The following RYK variants were observed in gnomAD, a reference collection of about 807,000 sequenced individuals.
RYK encodes the protein receptor like tyrosine kinase, also known as inactive tyrosine-protein kinase RYK.
RYK carries 21 observed loss-of-function variants against 70.2 expected under a neutral mutation model. The ratio of observed to expected loss-of-function variants is 0.30; its 90% CI spans 0.21 to 0.43. The LOEUF is 0.43. Ranked by LOEUF, RYK falls within the 20% of genes least tolerant of loss-of-function variation. RYK has a pLI of 1.00. For missense variants in RYK, 604 were observed against 753.3 expected, an observed-to-expected ratio of 0.80 and a Z score of 2.32; for synonymous variants, 267 against 278.0, an observed-to-expected ratio of 0.96 and a Z score of 0.39.
intron 1 of RYK, among the ~76,000 whole-genome samples, chr3:134,247,931 T>A (rs2015507318): frequency 6.6e-6 from 1 of 152,188 alleles, no homozygotes; most frequent in Non-Finnish European, 1.5e-5. Flanking sequence ...GTAGTGATTC[T>A]AAAATACGGT....
chr3:134,231,426 C>T (rs2015055712), intron 1 of RYK, among the ~76,000 whole-genome samples: 1 of 152,166 alleles, frequency 6.6e-6, no homozygotes, highest in Non-Finnish European at 1.5e-5. Flanking sequence ...AGAAACCATG[C>T]CTCCTAAGTA....
intron 1 of RYK, among the ~76,000 whole-genome samples, chr3:134,250,007 A>C (rs946217846): frequency 1.4e-5 from 2 of 144,392 alleles, no homozygotes; most frequent in African/African-American, 5.2e-5. Flanking sequence ...AAGGGTTTGC[A>C]AGTTCAGTCT....
chr3:134,186,932 T>C (rs1383408203), intron 9 of RYK, among the ~76,000 whole-genome samples: 1 of 152,174 alleles, frequency 6.6e-6, no homozygotes, highest in African/African-American at 2.4e-5. Context: ...TGTTGTTTAA[T>C]AACCTTATAG....
intron 1 of RYK, among the ~76,000 whole-genome samples, chr3:134,234,706 C>G: frequency 6.6e-6 from 1 of 152,040 alleles, no homozygotes; most frequent in Non-Finnish European, 1.5e-5. Flanking sequence ...AAAAGTTTCT[C>G]TAAAACATAC....
At chr3:134,197,072 G>T (rs1333483098) in intron 6 of RYK, among the ~76,000 whole-genome samples, 2 of 152,120 alleles carry the variant, frequency 1.3e-5, no homozygotes, top group East Asian at 3.9e-4. Flanking sequence ...TGCAATTACT[G>T]CACCAACCTG....
chr3:134,190,093 G>A (rs541484874), intron 8 of RYK, among the ~76,000 whole-genome samples: 13 of 152,272 alleles, frequency 8.5e-5, no homozygotes, highest in African/African-American at 2.9e-4. Flanking sequence ...TTTCACTGTG[G>A]CCTAGAGACA....
At chr3:134,250,337 C>A in intron 1 of RYK, 86 bp downstream of exon 1, 2 of 786,046 alleles carry the variant, frequency 2.5e-6, no homozygotes, top group South Asian at 3.6e-5. Context: ...GCCCGAGGTC[C>A]ACGGCTCGCA....
At chr3:134,210,984 A>C (rs984520200) in intron 3 of RYK, among the ~76,000 whole-genome samples, 1 of 152,238 alleles carries the variant, frequency 6.6e-6, no homozygotes, top group African/African-American at 2.4e-5. Flanking sequence ...AGACCAGCAC[A>C]TGCAAAGGCT....
intron 8 of RYK, 32 bp from the exon 9 acceptor site, chr3:134,188,955 T>C (rs750164294): frequency 6.4e-5 from 78 of 1,212,872 alleles, no homozygotes; most frequent in Non-Finnish European, 7.8e-5. Context: ...AATGAGATCA[T>C]ACAACATTCA....
intron 5 of RYK, among the ~76,000 whole-genome samples, chr3:134,204,967 G>A (rs1418610564): frequency 6.6e-6 from 1 of 152,214 alleles, no homozygotes; most frequent in East Asian, 1.9e-4. Context: ...GACAGCACTG[G>A]CTTGGACAAG....
rs767999593 is a variant in RYK at position 134,202,680 on chromosome 3, A to G, written c.788+50T>C. ...TCGATGTGTATGGGCTCCCACATATATACAAATAACTGCTTTCATTTTTTT... is the reference window on the plus strand; with the variant it reads ...TCGATGTGTATGGGCTCCCACATATGTACAAATAACTGCTTTCATTTTTTT... On this transcript the variant is annotated intron_variant, in intron 6 of 14. Coordinates refer to ENST00000623711, the MANE Select transcript of RYK (RefSeq NM_002958.4). 11 of 1,566,330 alleles carry G rather than the reference A, an allele frequency of 7.0e-6. No individual in the cohort carries two copies. The Admixed American group carries it at 1.9e-4, about 27-fold the overall frequency.
At chr3:134,241,725 AG>A (rs1184410921) in intron 1 of RYK, among the ~76,000 whole-genome samples, 1 of 152,248 alleles carries the variant, frequency 6.6e-6, no homozygotes, top group Non-Finnish European at 1.5e-5. Flanking sequence ...AAGGCAGCAC[AG>A]TAGAGAAAGC....
At position 134,230,732 on chromosome 3, in the gene RYK, C is replaced by CTA. The variant is rs1377127993; in HGVS notation, c.233-8195_233-8194dup. ...GAATTTCTGGGGTGATGGAAATGTC[C>CTA]TATATCTTGGTTGGAGTGGTGGTTA... On this transcript the variant is annotated intron_variant, in intron 1 of 14. Coordinates refer to ENST00000623711, the MANE Select transcript of RYK (RefSeq NM_002958.4). Among the ~76,000 whole-genome samples, 6 of 152,120 alleles carry CTA rather than the reference C, an allele frequency of 3.9e-5. No homozygotes were observed. In the East Asian group the frequency reaches 1.2e-3, roughly 29 times the overall value.
At chr3:134,188,722 CACTG>C (rs1560008898) in intron 9 of RYK, 111 bp downstream of exon 9, 16 of 641,582 alleles carry the variant, frequency 2.5e-5, no homozygotes, top group South Asian at 8.0e-5. Context: ...GCTAAATTAA[CACTG>C]ACTGATTTAA....
chr3:134,202,565 C>A, intron 6 of RYK, 165 bp downstream of exon 6: 1 of 538,654 alleles, frequency 1.9e-6, no homozygotes, highest in Non-Finnish European at 3.2e-6. Flanking sequence ...AAAATAAAAT[C>A]AGAGAAACCA....
chr3:134,205,863 C>T (rs1193077420), intron 5 of RYK, among the ~76,000 whole-genome samples: 1 of 152,174 alleles, frequency 6.6e-6, no homozygotes, highest in Non-Finnish European at 1.5e-5. Context: ...TCTTTGCTCA[C>T]AGTTTAGTCC....
intron 13 of RYK, among the ~76,000 whole-genome samples, chr3:134,174,484 A>T (rs552553253): frequency 1.7e-3 from 261 of 152,338 alleles, no homozygotes; most frequent in Non-Finnish European, 8.2e-4. Flanking sequence ...ACAAAATACA[A>T]TGATACAGTA....
chr3:134,181,312 C>T lies in RYK; in HGVS notation c.1172+1690G>A, dbSNP rs2108156227. On this transcript the variant is annotated intron_variant, in intron 10 of 14. Transcript: ENST00000623711. ...CCAACTGTTTCTTTCCCTTCTGCTA[C>T]TGAGATTATCAACTTTTAGTGTTTC... 5 of 152,362 alleles carry T rather than the reference C, an allele frequency of 3.3e-5. No homozygotes were observed. In the Middle Eastern group the frequency reaches 0.017, roughly 518 times the overall value. The allele number at this position is 152,362 out of a possible 1,614,324, so 9.4% of individuals were successfully genotyped here. A position where few individuals can be genotyped will look rare whatever the true frequency, so the allele number is the denominator to read the frequency against.
chr3:134,244,994 T>A lies in RYK; in HGVS notation c.232+5429A>T, dbSNP rs182297095. Among the ~76,000 whole-genome samples, 301 of 152,226 alleles carry A rather than the reference T, an allele frequency of 2.0e-3. 2 individuals carry two copies. Among genetic ancestry groups the A allele is most frequent in the African/African-American group, 6.9e-3 (285 of 41,522 alleles). On this transcript the variant is annotated intron_variant, in intron 1 of 14. Coordinates refer to ENST00000623711, the MANE Select transcript of RYK (RefSeq NM_002958.4). ...CCAGGAAGAGGGCTCTCAGCAGATA[T>A]CAAATCTACCAAAGCCTTGATCCTG... is the stretch of plus-strand genomic sequence containing the variant.
Sources: gnomAD v4.1 joint callset for allele counts (sites outside exome capture counted in the v4.1 genomes callset) on GRCh38, gnomAD v4.1.1 for gene constraint, MANE v1.5 for transcripts, NCBI Gene and HGNC (gene_info 2026-07-23, HGNC 2026-07-21) for gene names.